MAF: variants seen among roughly 807,000 people sequenced by gnomAD.
MAF encodes transcription factor Maf.
In MAF, 10 loss-of-function variants were observed where a neutral mutation model predicts 22.0. The ratio of observed to expected loss-of-function variants is 0.45; its 90% confidence interval spans 0.28 to 0.77. The LOEUF is 0.77. Ranked by LOEUF, MAF falls within the 30% of genes least tolerant of loss-of-function variation. The pLI is 0.12. For synonymous variants in MAF, 337 were observed against 255.8 expected, an observed-to-expected ratio of 1.32 and a Z score of -3.03; for missense variants, 544 against 548.4, an observed-to-expected ratio of 0.99 and a Z score of 0.08.
At chr16:79,238,005 C>A in the MAF span, among the ~76,000 whole-genome samples, 1 of 152,106 alleles carries the variant, frequency 6.6e-6, no homozygotes, top group Non-Finnish European at 1.5e-5. Flanking sequence ...CTGACCTGGC[C>A]TGTGTCACCT....
chr16:79,497,050 C>A, the MAF span, among the ~76,000 whole-genome samples: 2 of 152,072 alleles, frequency 1.3e-5, no homozygotes, highest in Middle Eastern at 3.2e-3. Context: ...ATAAAAACAT[C>A]TTTTCTCCAT....
chr16:79,308,553 A>T, the MAF span, among the ~76,000 whole-genome samples: 1 of 152,202 alleles, frequency 6.6e-6, no homozygotes, highest in South Asian at 2.1e-4. Context: ...AAAGCCTGGG[A>T]TCATAAAGTA....
At chr16:79,256,858 G>T in the MAF span, among the ~76,000 whole-genome samples, 2 of 150,256 alleles carry the variant, frequency 1.3e-5, no homozygotes, top group Non-Finnish European at 3.0e-5. Context: ...AGAACTACAC[G>T]CACACAAACA....
At chr16:79,425,681 G>A in the MAF span, among the ~76,000 whole-genome samples, 1 of 136,160 alleles carries the variant, frequency 7.3e-6, no homozygotes, top group Admixed American at 7.6e-5. Flanking sequence ...TTTTTTTTGA[G>A]ACGGAGTCTC....
At chr16:79,527,879 C>T in the MAF span, among the ~76,000 whole-genome samples, 1 of 152,106 alleles carries the variant, frequency 6.6e-6, no homozygotes, top group African/African-American at 2.4e-5. Flanking sequence ...TGGTGGCTCA[C>T]ACCTGTAATC....
chr16:79,546,627 C>A, the MAF span, among the ~76,000 whole-genome samples: 1 of 152,168 alleles, frequency 6.6e-6, no homozygotes, highest in African/African-American at 2.4e-5. Flanking sequence ...GAAGTTGGCT[C>A]TAAACTCTAT....
the MAF span, among the ~76,000 whole-genome samples, chr16:79,258,616 C>T: frequency 6.6e-6 from 1 of 152,208 alleles, no homozygotes; most frequent in Non-Finnish European, 1.5e-5. Flanking sequence ...CTCCAGGTTG[C>T]TGGCCCTCAA....
chr16:79,393,685 C>A, the MAF span, among the ~76,000 whole-genome samples: 17 of 152,142 alleles, frequency 1.1e-4, no homozygotes, highest in Non-Finnish European at 1.8e-4. Flanking sequence ...CAGAGGCAAC[C>A]TTGTGACCTG....
chr16:79,309,584 A>G, the MAF span, among the ~76,000 whole-genome samples: 1 of 152,250 alleles, frequency 6.6e-6, no homozygotes, highest in South Asian at 2.1e-4. Flanking sequence ...AAGGAGGCTC[A>G]TAACACCTGT....
chr16:79,209,231 C>T, the MAF span, among the ~76,000 whole-genome samples: 10 of 152,250 alleles, frequency 6.6e-5, no homozygotes, highest in East Asian at 1.9e-4. Flanking sequence ...CTTTAGATTC[C>T]GTGGAAGGAA....
chr16:79,416,349 A>G, the MAF span, among the ~76,000 whole-genome samples: 1 of 152,200 alleles, frequency 6.6e-6, no homozygotes, highest in African/African-American at 2.4e-5. Flanking sequence ...CTCCATGTCA[A>G]CATGTTGGGA....
the MAF span, among the ~76,000 whole-genome samples, chr16:79,468,356 C>T: frequency 6.6e-6 from 1 of 152,214 alleles, no homozygotes; most frequent in Non-Finnish European, 1.5e-5. Context: ...CAGCCCTCAA[C>T]TAAAATGCTG....
chr16:79,303,355 G>A, the MAF span, among the ~76,000 whole-genome samples: 1 of 152,234 alleles, frequency 6.6e-6, no homozygotes, highest in Non-Finnish European at 1.5e-5. Context: ...GATAGCTTCA[G>A]AGCCTGGCAT....
chr16:79,420,562 C>G, the MAF span, among the ~76,000 whole-genome samples: 288 of 152,276 alleles, frequency 1.9e-3, 2 homozygotes, highest in Middle Eastern at 3.4e-3. Flanking sequence ...CGGCCTCCCC[C>G]ACTAACAACC....
At chr16:79,376,100 T>A in the MAF span, among the ~76,000 whole-genome samples, 1 of 133,636 alleles carries the variant, frequency 7.5e-6, no homozygotes, top group Non-Finnish European at 1.6e-5. Context: ...ATTCTAAGTA[T>A]TGTTGGAGAG....
At chr16:79,203,158 A>G in the MAF span, 27 of 152,206 alleles carry the variant, frequency 1.8e-4, no homozygotes, top group African/African-American at 6.5e-4. Flanking sequence ...TTACCCATCG[A>G]CCACTGTGAA....
the MAF span, among the ~76,000 whole-genome samples, chr16:79,228,248 C>T: frequency 1.3e-5 from 2 of 151,992 alleles, no homozygotes; most frequent in African/African-American, 4.8e-5. Context: ...ACTTGTGTAA[C>T]AACTATTTGA....
the MAF span, among the ~76,000 whole-genome samples, chr16:79,439,879 A>G: frequency 6.6e-6 from 1 of 152,212 alleles, no homozygotes; most frequent in Non-Finnish European, 1.5e-5. Flanking sequence ...CACAGAAAAT[A>G]AAATTTGACA....
the MAF span, among the ~76,000 whole-genome samples, chr16:79,214,625 T>TTGAACTCC: frequency 1.3e-5 from 2 of 151,670 alleles, no homozygotes. Context: ...CAGGCTGGTC[T>TTGAACTCC]TGAACTCCTG....
Sources: gnomAD v4.1 joint callset for allele counts (sites outside exome capture counted in the v4.1 genomes callset) on GRCh38, gnomAD v4.1.1 for gene constraint, MANE v1.5 for transcripts, NCBI Gene and HGNC (gene_info 2026-07-23, HGNC 2026-07-21) for gene names.